Variants in STIM1 observed in about 807,000 individuals in gnomAD.
STIM1 encodes stromal interaction molecule 1.
In STIM1, 25 loss-of-function variants were observed where a neutral mutation model predicts 74.7. That is an observed-to-expected ratio of 0.33 (90% CI 0.24 to 0.47). The LOEUF (loss-of-function observed/expected upper bound fraction) is 0.47. Among genes scored for constraint, STIM1 ranks in the 20% least tolerant of loss-of-function variants. STIM1 has a pLI of 1.00. For synonymous variants in STIM1, 328 were observed against 348.8 expected, an observed-to-expected ratio of 0.94 and a Z score of 0.66; for missense variants, 728 against 920.8, an observed-to-expected ratio of 0.79 and a Z score of 2.71.
At chr11:3,915,956 G>C (rs952351541) in intron 1 of STIM1, among the ~76,000 whole-genome samples, 1 of 152,096 alleles carries the variant, frequency 6.6e-6, no homozygotes, top group Non-Finnish European at 1.5e-5. Context: ...CTACTTGGGA[G>C]CTGAGGCAGG....
intron 1 of STIM1, among the ~76,000 whole-genome samples, chr11:3,889,367 AAT>A (rs1491174677): frequency 4.5e-5 from 6 of 134,106 alleles, no homozygotes; most frequent in Non-Finnish European, 1.7e-5. Context: ...ACAGATATTT[AAT>A]TTTTTTTTTT....
chr11:3,864,087 C>T (rs1264203745), intron 1 of STIM1, among the ~76,000 whole-genome samples: 2 of 151,810 alleles, frequency 1.3e-5, no homozygotes, highest in Non-Finnish European at 2.9e-5. Flanking sequence ...CCAAACCAGG[C>T]TTTTATTCAA....
At chr11:4,086,426 C>T (rs1161051438) in intron 11 of STIM1, 51 bp from the exon 12 acceptor site, 2 of 1,604,382 alleles carry the variant, frequency 1.2e-6, no homozygotes, top group Admixed American at 1.7e-5. Context: ...CCTTACCTGC[C>T]AGCCCAAAGT....
intron 2 of STIM1, among the ~76,000 whole-genome samples, chr11:3,976,263 G>A (rs770446889): frequency 6.6e-6 from 1 of 152,198 alleles, no homozygotes; most frequent in Non-Finnish European, 1.5e-5. Context: ...GGCATTATCC[G>A]AGGGAAAGAA....
chr11:4,084,786 G>A (rs1415197674), intron 11 of STIM1, 21 bp downstream of exon 11: 8 of 1,289,010 alleles, frequency 6.2e-6, no homozygotes, highest in African/African-American at 4.6e-5. Context: ...CCCCTTTGGG[G>A]CATTTTGTTT....
intron 1 of STIM1, chr11:3,892,857 C>T: frequency 6.2e-7 from 1 of 1,605,024 alleles, no homozygotes; most frequent in Non-Finnish European, 8.5e-7. Flanking sequence ...CTGTTGACAG[C>T]AATGTCGAAG....
chr11:3,901,385 G>T (rs1012214842), intron 1 of STIM1, among the ~76,000 whole-genome samples: 4 of 152,126 alleles, frequency 2.6e-5, no homozygotes, highest in African/African-American at 7.2e-5. Context: ...TTGACATTTT[G>T]TTAGATACCA....
At chr11:3,953,555 T>C (rs965980760) in intron 1 of STIM1, among the ~76,000 whole-genome samples, 12 of 152,284 alleles carry the variant, frequency 7.9e-5, no homozygotes, top group African/African-American at 2.9e-4. Flanking sequence ...TGGTTTCTAA[T>C]CTGGTTCTGC....
Position 3,935,639 on chromosome 11 carries a change from T to C in STIM1, c.140-31913T>C, listed in dbSNP as rs186007358. Among the ~76,000 whole-genome samples, 15 of 152,390 alleles carry C rather than the reference T, an allele frequency of 9.8e-5. No homozygotes were observed. In the East Asian group the frequency reaches 2.7e-3, roughly 27 times the overall value. On this transcript the variant is annotated intron_variant, in intron 1 of 12. Coordinates refer to ENST00000526596, the MANE Select transcript of STIM1 (RefSeq NM_001382567.1). ...TTTCACTGGACATCTTTGGCTTTGA[T>C]GATGATTCCTGTGGTTCGATTTTCC...
Position 4,059,412 on chromosome 11 carries a change from A to T in STIM1, c.613+16A>T. 1 of 1,608,490 alleles carries T rather than the reference A, an allele frequency of 6.2e-7. No individual in the cohort carries two copies. ...CCTCCTCTCTGTGAGTCTTGTGTTG[A>T]GAAGGGCTACTGCTGTGCCATGGAA... On this transcript the variant is annotated intron_variant, in intron 5 of 12. Transcript: ENST00000526596.
At chr11:3,936,377 G>A (rs1307216291) in intron 1 of STIM1, among the ~76,000 whole-genome samples, 1 of 152,194 alleles carries the variant, frequency 6.6e-6, no homozygotes, top group African/African-American at 2.4e-5. Context: ...TAAGCACTAG[G>A]AGGGGTGTTG....
At chr11:3,963,357 T>G (rs2093308040) in intron 1 of STIM1, among the ~76,000 whole-genome samples, 2 of 152,336 alleles carry the variant, frequency 1.3e-5, no homozygotes, top group South Asian at 4.1e-4. Context: ...TCTGTTCCTG[T>G]GTTCTTTTGC....
intron 7 of STIM1, among the ~76,000 whole-genome samples, chr11:4,076,850 T>C (rs548798206): frequency 9.9e-5 from 15 of 151,844 alleles, no homozygotes; most frequent in Admixed American, 9.9e-4. Flanking sequence ...GTTATTTTTC[T>C]TTTGCTGATT....
At chr11:3,986,980 T>A (rs1179551311) in intron 2 of STIM1, among the ~76,000 whole-genome samples, 1 of 152,208 alleles carries the variant, frequency 6.6e-6, no homozygotes, top group South Asian at 2.1e-4. Context: ...ATGAGAGGCA[T>A]GCCCTCTTTT....
intron 1 of STIM1, among the ~76,000 whole-genome samples, chr11:3,962,268 G>T (rs1225318390): frequency 6.6e-6 from 1 of 152,040 alleles, no homozygotes; most frequent in Non-Finnish European, 1.5e-5. Context: ...AGTCTCCACT[G>T]CCTCCAGGGA....
chr11:4,085,010 GT>G (rs1207028923), intron 11 of STIM1, among the ~76,000 whole-genome samples: 1 of 152,184 alleles, frequency 6.6e-6, no homozygotes, highest in Non-Finnish European at 1.5e-5. Context: ...TAGCGCAGCT[GT>G]GCAGGTAACC....
At chr11:3,924,336 C>T (rs1246267315) in intron 1 of STIM1, among the ~76,000 whole-genome samples, 1 of 151,000 alleles carries the variant, frequency 6.6e-6, no homozygotes, top group Middle Eastern at 3.3e-3. Flanking sequence ...GTAGCTGGGA[C>T]TACAGGCGCC....
chr11:3,907,574 T>A (rs1279764871), intron 1 of STIM1, among the ~76,000 whole-genome samples: 1 of 152,220 alleles, frequency 6.6e-6, no homozygotes, highest in Admixed American at 6.5e-5. Context: ...ATTGCCCTGC[T>A]TTTGCCCTTG....
chr11:4,039,849 C>T (rs1169288398), intron 3 of STIM1, among the ~76,000 whole-genome samples: 2 of 151,972 alleles, frequency 1.3e-5, no homozygotes, highest in African/African-American at 4.8e-5. Context: ...CTCACTGCAA[C>T]CTCTGCCTCC....
Sources: gnomAD v4.1 joint callset for allele counts (sites outside exome capture counted in the v4.1 genomes callset) on GRCh38, gnomAD v4.1.1 for gene constraint, MANE v1.5 for transcripts, NCBI Gene and HGNC (gene_info 2026-07-23, HGNC 2026-07-21) for gene names.